Variants in ALK observed in about 807,000 individuals in gnomAD.
ALK encodes ALK receptor tyrosine kinase.
A neutral mutation model predicts 163.1 loss-of-function variants in ALK; 74 were observed. The ratio of observed to expected loss-of-function variants is 0.45; its 90% CI spans 0.38 to 0.55. The LOEUF is 0.55. Among genes scored for constraint, ALK ranks in the 20% least tolerant of loss-of-function variants. The pLI, the probability that ALK is intolerant of heterozygous loss-of-function variation, is 0.00. For missense variants in ALK, 2,063 were observed against 2,105.3 expected (o/e 0.98, Z 0.39); for synonymous variants, 960 against 843.2 (o/e 1.14, Z -2.40).
chr2:29,523,131 G>A (rs34368201), intron 4 of ALK, among the ~76,000 whole-genome samples: 1 of 151,918 alleles, frequency 6.6e-6, no homozygotes, highest in Admixed American at 6.5e-5. Flanking sequence ...GCAGGAGGGG[G>A]AGGAAGAAAC....
intron 3 of ALK, among the ~76,000 whole-genome samples, chr2:29,554,178 T>C (rs937769259): frequency 2.6e-5 from 4 of 152,218 alleles, no homozygotes; most frequent in Non-Finnish European, 5.9e-5. Flanking sequence ...AGGTATACCT[T>C]GCTTTATGGA....
intron 7 of ALK, chr2:29,319,352 T>A (rs1393728612): frequency 6.6e-6 from 1 of 152,228 alleles, no homozygotes; most frequent in African/African-American, 2.4e-5. Context: ...TAAAGGCTGT[T>A]ATTAAGTAAC....
At position 29,239,404 on chromosome 2, in the gene ALK, G is replaced by A. The variant is rs76788680; in HGVS notation, c.2355+276C>T. Among the ~76,000 whole-genome samples the A allele has an allele frequency of 0.019, 2,870 of 152,186 alleles. 109 individuals carry two copies. The highest frequency in any genetic ancestry group is 0.066 in the African/African-American group (2,726 of 41,534). On this transcript the variant is annotated intron_variant, in intron 13 of 28. Coordinates refer to ENST00000389048, the MANE Select transcript of ALK (RefSeq NM_004304.5). ...CAAAAGCTGTGCTTCAGGTGAGGGA[G>A]GGGGGGAGCCTGGCCCAACCAGGAG...
At chr2:29,415,456 A>G (rs1573333903) in intron 4 of ALK, among the ~76,000 whole-genome samples, 1 of 152,030 alleles carries the variant, frequency 6.6e-6, no homozygotes, top group African/African-American at 2.4e-5. Flanking sequence ...CTAGCCTGGT[A>G]TGCTCTCCTT....
chr2:29,332,289 A>AAG (rs1667466742), intron 5 of ALK, among the ~76,000 whole-genome samples: 2 of 97,066 alleles, frequency 2.1e-5, no homozygotes, highest in Non-Finnish European at 4.0e-5. Flanking sequence ...CCATCTCAAA[A>AAG]AAAAAAAAAA....
At chr2:29,370,437 T>C (rs941414718) in intron 5 of ALK, among the ~76,000 whole-genome samples, 2 of 152,208 alleles carry the variant, frequency 1.3e-5, no homozygotes, top group African/African-American at 2.4e-5. Context: ...CAGGCTGCCT[T>C]CCTGACCTTA....
intron 3 of ALK, among the ~76,000 whole-genome samples, chr2:29,542,479 T>C (rs144558254): frequency 2.0e-5 from 3 of 152,308 alleles, no homozygotes; most frequent in African/African-American, 4.8e-5. Flanking sequence ...GGAAATTTCT[T>C]AGTGAATCAT....
At chr2:29,196,589 A>G (rs1401042600) in intron 28 of ALK, among the ~76,000 whole-genome samples, 181 bp downstream of exon 28, 1 of 152,180 alleles carries the variant, frequency 6.6e-6, no homozygotes. Context: ...ACTAATATTT[A>G]TTTTACAAAA....
chr2:29,316,735 T>C (rs997153930), intron 8 of ALK, among the ~76,000 whole-genome samples: 4 of 152,206 alleles, frequency 2.6e-5, no homozygotes, highest in African/African-American at 9.7e-5. Flanking sequence ...AATTCCACCA[T>C]CTGCATGAGA....
At chr2:29,549,564 T>C (rs1418598367) in intron 3 of ALK, among the ~76,000 whole-genome samples, 1 of 152,220 alleles carries the variant, frequency 6.6e-6, no homozygotes, top group African/African-American at 2.4e-5. Context: ...TTTTATTTAA[T>C]TTTAATTAAT....
At position 29,318,478 on chromosome 2, in the gene ALK, C is replaced by T. The variant is rs568071891; in HGVS notation, c.1547-74G>A. 76 of 1,044,504 alleles carry T rather than the reference C, an allele frequency of 7.3e-5. No homozygotes were observed. In the African/African-American group the frequency reaches 1.1e-3, roughly 15 times the overall value. 64.7% of individuals were successfully genotyped at this position (1,044,504 alleles called of 1,614,324 possible). A position where few individuals can be genotyped will look rare whatever the true frequency, so the allele number is the denominator to read the frequency against. ...GGACCAGGGGTGCAGGGTTAATGGACTGTGCACAGTTCTTATCTAGCCTAG... is the reference window on the plus strand; with the variant it reads ...GGACCAGGGGTGCAGGGTTAATGGATTGTGCACAGTTCTTATCTAGCCTAG... On this transcript the variant is annotated intron_variant, in intron 7 of 28. Transcript: ENST00000389048.
intron 1 of ALK, among the ~76,000 whole-genome samples, chr2:29,798,360 C>T (rs1427095001): frequency 6.6e-6 from 1 of 152,162 alleles, no homozygotes; most frequent in African/African-American, 2.4e-5. Context: ...CCACAGAAAT[C>T]CCATCAAAGG....
intron 1 of ALK, among the ~76,000 whole-genome samples, chr2:29,805,131 C>T (rs753525181): frequency 2.8e-4 from 42 of 152,158 alleles, no homozygotes; most frequent in Non-Finnish European, 5.0e-4. Flanking sequence ...AACAACTCAT[C>T]ACCTATTAAA....
At position 29,835,590 on chromosome 2, in the gene ALK, T is replaced by C. The variant is rs577604525; in HGVS notation, c.667+84403A>G. On this transcript the variant is annotated intron_variant, in intron 1 of 28. Coordinates refer to ENST00000389048, the MANE Select transcript of ALK (RefSeq NM_004304.5). Reference sequence around the variant, plus strand: ...CCCCAACCCAGACTGTATGTGGATATAAGAAAGTCCATGATATGGTTTGCC... The same window carrying C: ...CCCCAACCCAGACTGTATGTGGATACAAGAAAGTCCATGATATGGTTTGCC... Among the ~76,000 whole-genome samples the C allele has an allele frequency of 1.1e-3, 171 of 152,252 alleles. 3 individuals are homozygous for C. The highest frequency in any genetic ancestry group is 1.3e-3 in the Non-Finnish European group (88 of 68,014).
At chr2:29,210,804 T>A (rs1669445132) in intron 24 of ALK, among the ~76,000 whole-genome samples, 1 of 152,248 alleles carries the variant, frequency 6.6e-6, no homozygotes, top group South Asian at 2.1e-4. Context: ...TTCCAGGTGA[T>A]AAAGTTGTCA....
intron 26 of ALK, among the ~76,000 whole-genome samples, chr2:29,199,191 T>G (rs1669098323): frequency 6.6e-6 from 1 of 152,192 alleles, no homozygotes; most frequent in Admixed American, 6.5e-5. Context: ...TGATCTCAGG[T>G]GATCCACCCA....
At chr2:29,281,229 G>A (rs1665710784) in intron 9 of ALK, among the ~76,000 whole-genome samples, 1 of 152,156 alleles carries the variant, frequency 6.6e-6, no homozygotes, top group South Asian at 2.1e-4. Context: ...AGACTGCGAG[G>A]GACAGGCCAT....
chr2:29,589,639 G>A (rs748495782), intron 3 of ALK, among the ~76,000 whole-genome samples: 30 of 152,254 alleles, frequency 2.0e-4, no homozygotes, highest in Non-Finnish European at 2.8e-4. Flanking sequence ...GGCTCTGACC[G>A]GACAACAATA....
At position 29,367,645 on chromosome 2, in the gene ALK, T is replaced by A. The variant is rs143355139; in HGVS notation, c.1282+16087A>T. On this transcript the variant is annotated intron_variant, in intron 5 of 28. Coordinates refer to ENST00000389048, the MANE Select transcript of ALK (RefSeq NM_004304.5). ...ACTCATGCTGGGGTGCGTACATAAT[T>A]GATCAGCTCCCTGAGTAGTGCTGGC... 4.6e-3 allele frequency among the ~76,000 whole-genome samples: 708 copies of A among 152,350 alleles called. 8 individuals are homozygous for A. The highest frequency in any genetic ancestry group is 0.016 in the African/African-American group (682 of 41,580).
Sources: allele counts gnomAD v4.1 joint callset (sites outside exome capture counted in the v4.1 genomes callset), GRCh38; gene constraint gnomAD v4.1.1; transcripts MANE v1.5; gene names NCBI Gene and HGNC (gene_info 2026-07-23, HGNC 2026-07-21).